The following CBY2 variants were observed in gnomAD, a reference collection of about 807,000 sequenced individuals.
CBY2 encodes the protein chibby family member 2, also known as protein chibby homolog 2.
In CBY2, 23 loss-of-function variants were observed where a neutral mutation model predicts 25.3. That is an observed-to-expected ratio of 0.91 (90% CI 0.65 to 1.29). The LOEUF (loss-of-function observed/expected upper bound fraction) is 1.29. Among genes scored for constraint, CBY2 ranks in the 50% most tolerant of loss-of-function variants. CBY2 has a pLI of 0.00. For synonymous variants in CBY2, 279 were observed against 260.2 expected (o/e 1.07, Z -0.70); for missense variants, 642 against 590.7 (o/e 1.09, Z -0.90).
intron 2 of CBY2, chr13:45,703,281 CAG>C: frequency 7.5e-7 from 1 of 1,337,048 alleles, no homozygotes. Flanking sequence ...CAAAGGGGTA[CAG>C]AGTTATTTGG....
At position 45,714,482 on chromosome 13, in the gene CBY2, T is replaced by C. The variant is rs1950302711; in HGVS notation, c.*110T>C. On this transcript the variant is annotated 3_prime_UTR_variant, in exon 3 of 3. Coordinates refer to ENST00000310521, the MANE Select transcript of CBY2 (RefSeq NM_152719.3). ...GCCTTCCCCAGCCAGTTCGTACCTATTGAAAAGCAGCGTTAGCAGCCTTCC... is the reference window on the plus strand; with the variant it reads ...GCCTTCCCCAGCCAGTTCGTACCTACTGAAAAGCAGCGTTAGCAGCCTTCC... The C allele has an allele frequency of 4.0e-6, 4 of 994,218 alleles. No individual in the cohort carries two copies. The East Asian group carries it at 1.1e-4, about 26-fold the overall frequency. 61.6% of individuals were successfully genotyped at this position (994,218 alleles called of 1,614,324 possible).
rs1409184823 is a variant in CBY2, at chr13:45,704,249, A to T, written c.156+1394A>T. The stretch of plus-strand genomic sequence containing the variant: ...GCTCCCAGAAACAGCCCAACGATCA[A>T]GGAGAAGAGAAGGTGGTTTAAGACA... On this transcript the variant is annotated intron_variant, in intron 2 of 2. Coordinates refer to ENST00000310521, the MANE Select transcript of CBY2 (RefSeq NM_152719.3). The surrounding 1 kb of genome is among the most constrained non-coding windows in gnomAD (Gnocchi z 4.1). Among the ~76,000 whole-genome samples, 1 of 152,104 alleles carries T rather than the reference A, an allele frequency of 6.6e-6. No individual in the cohort carries two copies. The highest frequency in any genetic ancestry group is 3.2e-3 in the Middle Eastern group (1 of 316).
rs371332004 is a variant in CBY2, at chr13:45,713,598, G to A, written c.573G>A (p.Lys191=). The change falls in exon 3 of 3, where the codon AAG becomes AAA. Residue 191 remains lysine (K), a synonymous_variant. Transcript: ENST00000310521. The surrounding 1 kb of genome is among the most constrained non-coding windows in gnomAD (Gnocchi z 5.0). The stretch of plus-strand genomic sequence containing the variant: ...GCGAGGAGAACCGGATGCTCAGCAA[G>A]GAGAACAAGATCCTACAGGTCTTCT... ...ALREENRMLS[K]ENKILQVFWE... 3.8e-5 allele frequency: 62 copies of A among 1,613,960 alleles called. No individual in the cohort carries two copies. Among genetic ancestry groups the A allele is most frequent in the Non-Finnish European group, 5.1e-5 (60 of 1,180,026 alleles).
In CBY2 at chr13:45,714,291, G is replaced by A; in HGVS notation, c.1266G>A (p.Ala422=). 1 of 1,613,166 alleles carries A rather than the reference G, an allele frequency of 6.2e-7. No homozygotes were observed. Among genetic ancestry groups the A allele is most frequent in the South Asian group, 1.1e-5 (1 of 90,898 alleles). Residue 422 remains alanine (A), a synonymous_variant, in exon 3 of 3, where the codon GCG becomes GCA. Coordinates refer to ENST00000310521, the MANE Select transcript of CBY2 (RefSeq NM_152719.3). ...LVIDTVTEVT[A]RMEMLIEELY... ...TTGACACCGTGACCGAGGTCACCGC[G>A]CGCATGGAAATGCTCATCGAGGAGC... is the stretch of plus-strand genomic sequence containing the variant.
chr13:45,713,303 A>G lies in CBY2; in HGVS notation c.278A>G (p.Asn93Ser), dbSNP rs1950283098. The G allele has an allele frequency of 6.2e-7, 1 of 1,613,922 alleles. No individual in the cohort carries two copies. The highest frequency in any genetic ancestry group is 8.5e-7 in the Non-Finnish European group (1 of 1,179,980). Residue 93 changes from asparagine (N) to serine (S), a missense_variant, in exon 3 of 3, where the codon AAC becomes AGC. Coordinates refer to ENST00000310521, the MANE Select transcript of CBY2 (RefSeq NM_152719.3). The surrounding 1 kb of genome is among the most constrained non-coding windows in gnomAD (Gnocchi z 5.0). ...GCGAGCCAGCACTCCTATCCACTGA[A>G]CCGCTTCTCCTCCGTGCCTTTAGAC... Reference protein sequence around the residue: ...RMASQHSYPLNRFSSVPLDPM... With the variant: ...RMASQHSYPLSRFSSVPLDPM...
At chr13:45,702,715 A>T in intron 1 of CBY2, 60 bp from the exon 2 acceptor site, 1 of 1,354,804 alleles carries the variant, frequency 7.4e-7, no homozygotes, top group South Asian at 1.2e-5. Context: ...TTAGGCGAGC[A>T]ATTGAGGCCC....
Position 45,713,793 on chromosome 13 carries a change from G to A in CBY2, c.768G>A (p.Ala256=), listed in dbSNP as rs758072494. 18 of 1,571,746 alleles carry A rather than the reference G, an allele frequency of 1.1e-5. No individual in the cohort carries two copies. The South Asian group carries it at 1.7e-4, about 15-fold the overall frequency. ...TLQLLREENR[A]LQQLLEQKQA... Reference sequence around the variant, plus strand: ...AGCTCCTCCGGGAGGAGAATCGCGCGCTGCAGCAGCTGCTGGAGCAGAAAC... The same window carrying A: ...AGCTCCTCCGGGAGGAGAATCGCGCACTGCAGCAGCTGCTGGAGCAGAAAC... The change falls in exon 3 of 3, where the codon GCG becomes GCA. Residue 256 remains alanine (A), a synonymous_variant. Transcript: ENST00000310521. This position sits in a 1 kb window ranked among gnomAD's most constrained non-coding sequence, Gnocchi z 5.0.
At chr13:45,705,994 G>T (rs1253485200) in intron 2 of CBY2, among the ~76,000 whole-genome samples, 1 of 152,150 alleles carries the variant, frequency 6.6e-6, no homozygotes, top group African/African-American at 2.4e-5. Flanking sequence ...AGCTAAGCCT[G>T]GCTAGTTGCT....
At position 45,713,997 on chromosome 13, in the gene CBY2, G is replaced by T; in HGVS notation, c.972G>T (p.Leu324=). 6.7e-7 allele frequency: 1 copy of T among 1,495,856 alleles called. No homozygotes were observed. 92.7% of individuals were successfully genotyped at this position (1,495,856 alleles called of 1,614,324 possible). Residue 324 remains leucine, a synonymous_variant, in exon 3 of 3, where the codon CTG becomes CTT. Transcript: ENST00000310521. This position sits in a 1 kb window ranked among gnomAD's most constrained non-coding sequence, Gnocchi z 5.0. ...CCCGGCAGGAGGACTCCAAGGAGCT[G>T]CGCGCCCTGCGGAAGATGGTCAGCA... The part of the protein sequence containing the change: ...PPARQEDSKE[L]RALRKMVSNM...
At chr13:45,712,686 T>G (rs1350083610) in intron 2 of CBY2, among the ~76,000 whole-genome samples, 2 of 152,144 alleles carry the variant, frequency 1.3e-5, no homozygotes, top group Non-Finnish European at 2.9e-5. Context: ...TGTTGGTGAT[T>G]TTGCTGTTAA....
intron 2 of CBY2, among the ~76,000 whole-genome samples, chr13:45,708,084 G>A (rs897310305): frequency 6.6e-6 from 1 of 152,222 alleles, no homozygotes; most frequent in Non-Finnish European, 1.5e-5. Flanking sequence ...TAGGGCAGAT[G>A]TTGGTGAGGT....
Position 45,713,476 on chromosome 13 carries a change from G to T in CBY2, c.451G>T (p.Ala151Ser). Residue 151 changes from alanine to serine, a missense_variant, in exon 3 of 3, where the codon GCC becomes TCC. Coordinates refer to ENST00000310521, the MANE Select transcript of CBY2 (RefSeq NM_152719.3). The surrounding 1 kb of genome is among the most constrained non-coding windows in gnomAD (Gnocchi z 5.0). The stretch of plus-strand genomic sequence containing the variant: ...GCAGTCTCCCTACTTCTCCCCATCC[G>T]CCTCCTTCCACCACAAGCTGCACCA... ...RLQSPYFSPS[A>S]SFHHKLHHKR... The T allele has an allele frequency of 6.2e-7, 1 of 1,614,180 alleles. No individual in the cohort carries two copies.
rs767604209 is a variant in CBY2, at chr13:45,714,307, A to G, written c.1282A>G (p.Ile428Val). The G allele has an allele frequency of 1.9e-5, 30 of 1,613,142 alleles. No homozygotes were observed. In the Middle Eastern group the frequency reaches 4.9e-4, roughly 27 times the overall value. The change falls in exon 3 of 3, where the codon ATC becomes GTC. Residue 428 changes from isoleucine (I) to valine (V), a missense_variant. Transcript: ENST00000310521. ...TEVTARMEML[I>V]EELYAFMPAR... ...GGTCACCGCGCGCATGGAAATGCTC[A>G]TCGAGGAGCTCTACGCCTTCATGCC...
Position 45,713,207 on chromosome 13 carries a change from G to C in CBY2, c.182G>C (p.Arg61Thr). Residue 61 changes from arginine (R) to threonine (T), a missense_variant, in exon 3 of 3, where the codon AGG becomes ACG. Physicochemically the swap from Arg to Thr is moderately conservative, Grantham distance 71. Coordinates refer to ENST00000310521, the MANE Select transcript of CBY2 (RefSeq NM_152719.3). This position sits in a 1 kb window ranked among gnomAD's most constrained non-coding sequence, Gnocchi z 5.0. ...PQRGTAEPFP[R>T]LHNLYSTPRC... is the part of the protein sequence containing the mutation. ...AGGGGCACAGCCGAACCCTTCCCGA[G>C]GCTCCACAACTTGTACAGCACCCCT... 6.2e-7 allele frequency: 1 copy of C among 1,612,832 alleles called. No individual in the cohort carries two copies. The highest frequency in any genetic ancestry group is 8.5e-7 in the Non-Finnish European group (1 of 1,179,456).
At chr13:45,710,555 C>G (rs1331414200) in intron 2 of CBY2, among the ~76,000 whole-genome samples, 1 of 152,054 alleles carries the variant, frequency 6.6e-6, no homozygotes, top group African/African-American at 2.4e-5. Context: ...CAAAAACCAC[C>G]ACCACAACAA....
rs1011046586 is a variant in CBY2 at position 45,709,011 on chromosome 13, C to T, written c.157-4171C>T. Among the ~76,000 whole-genome samples, 146 of 152,164 alleles carry T rather than the reference C, an allele frequency of 9.6e-4. 1 individual carries two copies. The highest frequency in any genetic ancestry group is 3.2e-3 in the African/African-American group (134 of 41,500). ...AGAGTTGGCCATTTAGGGGAGAGGA[C>T]GAGATGCCAACTAGGTTGGTAAAAG... On this transcript the variant is annotated intron_variant, in intron 2 of 2. Coordinates refer to ENST00000310521, the MANE Select transcript of CBY2 (RefSeq NM_152719.3).
At chr13:45,710,942 C>T (rs1015915009) in intron 2 of CBY2, among the ~76,000 whole-genome samples, 6 of 152,182 alleles carry the variant, frequency 3.9e-5, no homozygotes, top group African/African-American at 9.7e-5. Context: ...GTTTCTCTCT[C>T]TACATACACC....
intron 1 of CBY2, 146 bp downstream of exon 1, chr13:45,702,611 C>A: frequency 1.1e-6 from 1 of 869,816 alleles, no homozygotes; most frequent in Non-Finnish European, 1.9e-6. Context: ...AACCATCATG[C>A]CAGATATCAT....
chr13:45,709,839 C>T (rs867935963), intron 2 of CBY2, among the ~76,000 whole-genome samples: 2 of 152,274 alleles, frequency 1.3e-5, no homozygotes, highest in African/African-American at 2.4e-5. Flanking sequence ...CAAAGTACTG[C>T]AGGACTTTTG....
Sources: gnomAD v4.1 joint callset for allele counts (sites outside exome capture counted in the v4.1 genomes callset) on GRCh38, gnomAD v4.1.1 for gene constraint, Gnocchi (gnomAD v3.1) non-coding constraint, MANE v1.5 for transcripts, NCBI Gene and HGNC (gene_info 2026-07-23, HGNC 2026-07-21) for gene names.